Variants in ZNF385D observed in about 807,000 individuals in gnomAD.
ZNF385D encodes zinc finger protein 659.
A neutral mutation model predicts 35.8 loss-of-function variants in ZNF385D; 15 were observed. That is an observed-to-expected ratio of 0.42 (90% CI 0.28 to 0.64). The LOEUF (loss-of-function observed/expected upper bound fraction) is 0.64, where lower values mean the gene tolerates loss of function less well. Among genes scored for constraint, ZNF385D ranks in the 30% least tolerant of loss-of-function variants. The probability of loss-of-function intolerance (pLI) is 0.23; values close to 1 mark genes in which losing one functional copy is unlikely to be tolerated. For synonymous variants in ZNF385D, 212 were observed against 186.8 expected (o/e 1.13, Z -1.10); for missense variants, 474 against 494.6 (o/e 0.96, Z 0.39).
intron 3 of ZNF385D, among the ~76,000 whole-genome samples, chr3:22,002,073 G>A (rs923920252): frequency 2.6e-5 from 4 of 150,960 alleles, no homozygotes; most frequent in Non-Finnish European, 5.9e-5. Context: ...ATTAGGAAAA[G>A]GAAATAAATA....
chr3:21,845,550 A>G (rs1490278274), intron 3 of ZNF385D, among the ~76,000 whole-genome samples: 1 of 152,000 alleles, frequency 6.6e-6, no homozygotes, highest in African/African-American at 2.4e-5. Flanking sequence ...TGAACAAACC[A>G]CACCAGTTTC....
chr3:22,218,301 G>A (rs1698021167), intron 2 of ZNF385D, among the ~76,000 whole-genome samples: 1 of 151,826 alleles, frequency 6.6e-6, no homozygotes, highest in East Asian at 1.9e-4. Context: ...TGTATCCCTA[G>A]TATTTACTTT....
intron 2 of ZNF385D, among the ~76,000 whole-genome samples, chr3:22,245,699 G>A (rs1210031665): frequency 6.8e-6 from 1 of 147,550 alleles, no homozygotes; most frequent in Non-Finnish European, 1.5e-5. Context: ...AAACTGTGAA[G>A]AGGAAAGTGG....
intron 2 of ZNF385D, among the ~76,000 whole-genome samples, chr3:21,654,247 C>T (rs191589827): frequency 2.0e-5 from 3 of 152,060 alleles, no homozygotes; most frequent in East Asian, 3.9e-4. Flanking sequence ...CAGGGAAAGA[C>T]GTTCAAGAAT....
intron 3 of ZNF385D, among the ~76,000 whole-genome samples, chr3:21,939,507 G>GT (rs1701416645): frequency 6.6e-6 from 1 of 152,036 alleles, no homozygotes; most frequent in South Asian, 2.1e-4. Context: ...ATTATATATT[G>GT]TAAATTATAA....
intron 3 of ZNF385D, among the ~76,000 whole-genome samples, chr3:22,158,556 C>A (rs1463107964): frequency 2.6e-5 from 4 of 152,054 alleles, no homozygotes; most frequent in African/African-American, 9.7e-5. Flanking sequence ...AAAGAGAAGA[C>A]ATGTATCTGG....
chr3:22,288,713 C>G (rs1347397383), intron 2 of ZNF385D, among the ~76,000 whole-genome samples: 1 of 152,020 alleles, frequency 6.6e-6, no homozygotes, highest in African/African-American at 2.4e-5. Context: ...ATCTCCATAT[C>G]CTTATTTTTA....
chr3:21,814,492 T>G (rs1156381181), intron 3 of ZNF385D, among the ~76,000 whole-genome samples: 2 of 152,086 alleles, frequency 1.3e-5, no homozygotes, highest in African/African-American at 4.8e-5. Context: ...GAGGAAGATC[T>G]ACCAAGCAAA....
chr3:21,884,952 G>A (rs1036066082), intron 3 of ZNF385D, among the ~76,000 whole-genome samples: 1 of 151,844 alleles, frequency 6.6e-6, no homozygotes, highest in African/African-American at 2.4e-5. Context: ...ATACAGCCAT[G>A]CTCACTTATT....
chr3:22,025,493 G>A (rs1470210146), intron 3 of ZNF385D, among the ~76,000 whole-genome samples: 1 of 152,128 alleles, frequency 6.6e-6, no homozygotes, highest in Non-Finnish European at 1.5e-5. Context: ...GGATTTTAAG[G>A]GTATGGAATA....
chr3:21,778,551 G>A (rs1049805762), intron 3 of ZNF385D, among the ~76,000 whole-genome samples: 8 of 151,962 alleles, frequency 5.3e-5, no homozygotes, highest in East Asian at 3.9e-4. Flanking sequence ...CTGATTCAGA[G>A]CATGGTTCGC....
intron 3 of ZNF385D, among the ~76,000 whole-genome samples, chr3:21,782,593 C>T (rs766223631): frequency 1.6e-4 from 24 of 152,032 alleles, no homozygotes; most frequent in African/African-American, 2.4e-4. Flanking sequence ...TTGCTATCTC[C>T]GTGCTTTGAA....
chr3:21,799,805 G>T lies in ZNF385D; in HGVS notation c.326-134777C>A, dbSNP rs529104519. On this transcript the variant is annotated intron_variant, in intron 3 of 5. Transcript: ENST00000494108. ...TTCTTGTTACTTTTACTTTTGAAAC[G>T]ATATGTAAAAATTCATTGCCATATC... Among the ~76,000 whole-genome samples, 14 of 152,082 alleles carry T rather than the reference G, an allele frequency of 9.2e-5. No homozygotes were observed. The South Asian group carries it at 2.9e-3, about 32-fold the overall frequency.
rs1477381490 is a variant in ZNF385D at position 21,628,843 on chromosome 3, A to G, written c.165+36043T>C. 2.0e-5 allele frequency among the ~76,000 whole-genome samples: 3 copies of G among 152,254 alleles called. No individual in the cohort carries two copies. In the East Asian group the frequency reaches 5.8e-4, roughly 29 times the overall value. On this transcript the variant is annotated intron_variant, in intron 2 of 7. Coordinates refer to ENST00000281523, the MANE Select transcript of ZNF385D (RefSeq NM_024697.3). ...TAGCTAAATTTCTATAGCACTTACTATGTGCCAGTGACTCTACTAAAATAA... is the reference window on the plus strand; with the variant it reads ...TAGCTAAATTTCTATAGCACTTACTGTGTGCCAGTGACTCTACTAAAATAA...
At chr3:22,197,260 A>G (rs1696482061) in intron 2 of ZNF385D, among the ~76,000 whole-genome samples, 1 of 151,974 alleles carries the variant, frequency 6.6e-6, no homozygotes, top group African/African-American at 2.4e-5. Flanking sequence ...CATTTCTTTG[A>G]CTATTACTTT....
intron 1 of ZNF385D, among the ~76,000 whole-genome samples, chr3:21,704,450 C>T (rs916734565): frequency 1.3e-5 from 2 of 152,002 alleles, no homozygotes; most frequent in Admixed American, 6.6e-5. Flanking sequence ...TATCCCTTTC[C>T]CTACCCCATG....
intron 3 of ZNF385D, among the ~76,000 whole-genome samples, chr3:21,791,576 TG>T (rs1467607660): frequency 6.6e-6 from 1 of 152,206 alleles, no homozygotes. Context: ...CTTAGAGACT[TG>T]AGTTCCCCAG....
intron 3 of ZNF385D, among the ~76,000 whole-genome samples, chr3:21,534,053 T>G (rs2061982423): frequency 2.0e-5 from 3 of 152,066 alleles, no homozygotes; most frequent in Admixed American, 2.0e-4. Flanking sequence ...TACAATACCC[T>G]TCTTTAATCT....
intron 3 of ZNF385D, among the ~76,000 whole-genome samples, chr3:21,857,141 T>C (rs532740411): frequency 6.6e-6 from 1 of 152,220 alleles, no homozygotes; most frequent in South Asian, 2.1e-4. Flanking sequence ...CCGATCCTCT[T>C]GGTCTTTTTA....
Sources: allele counts gnomAD v4.1 joint callset (sites outside exome capture counted in the v4.1 genomes callset), GRCh38; gene constraint gnomAD v4.1.1; transcripts MANE v1.5; gene names NCBI Gene and HGNC (gene_info 2026-07-23, HGNC 2026-07-21).